The following RBFOX1 variants were observed in gnomAD, a reference collection of about 807,000 sequenced individuals.
RBFOX1 encodes the protein RNA binding fox-1 homolog 1.
Under a neutral mutation model 57.7 loss-of-function variants are expected in RBFOX1, and 8 were observed. The observed-to-expected ratio is 0.14, with a 90% CI of 0.08 to 0.25. RBFOX1 has a LOEUF of 0.25. Among genes scored for constraint, RBFOX1 ranks in the 10% least tolerant of loss-of-function variants. The probability of loss-of-function intolerance (pLI) is 1.00; values close to 1 mark genes in which losing one functional copy is unlikely to be tolerated. For missense variants in RBFOX1, 611 were observed against 548.5 expected, an observed-to-expected ratio of 1.11 and a Z score of -1.14; for synonymous variants, 326 against 222.4, an observed-to-expected ratio of 1.47 and a Z score of -4.15.
At chr16:7,558,399 CAT>C (rs1411927348) in intron 5 of RBFOX1, among the ~76,000 whole-genome samples, 1 of 151,820 alleles carries the variant, frequency 6.6e-6, no homozygotes, top group South Asian at 2.1e-4. Context: ...CACTCACACA[CAT>C]ATATATTTAT....
At chr16:6,750,442 C>T (rs927783642) in intron 3 of RBFOX1, among the ~76,000 whole-genome samples, 1 of 152,150 alleles carries the variant, frequency 6.6e-6, no homozygotes, top group Non-Finnish European at 1.5e-5. Context: ...ATTATGTTTT[C>T]AGTCTACCAA....
intron 1 of RBFOX1, among the ~76,000 whole-genome samples, chr16:6,047,559 C>T (rs1385846265): frequency 6.6e-6 from 1 of 152,108 alleles, no homozygotes; most frequent in Non-Finnish European, 1.5e-5. Flanking sequence ...GCAGAGCCAG[C>T]AGGGAATGGA....
intron 4 of RBFOX1, among the ~76,000 whole-genome samples, chr16:7,172,786 T>C (rs1346289694): frequency 6.6e-6 from 1 of 152,086 alleles, no homozygotes; most frequent in East Asian, 1.9e-4. Context: ...AAAGTAAAAG[T>C]TGGCTTCCCA....
chr16:7,058,842 A>T (rs979543310), intron 4 of RBFOX1, among the ~76,000 whole-genome samples: 5 of 152,212 alleles, frequency 3.3e-5, no homozygotes, highest in African/African-American at 1.2e-4. Context: ...ATTTAAGTTA[A>T]AAATGGGTTG....
intron 3 of RBFOX1, among the ~76,000 whole-genome samples, chr16:5,737,834 CT>C (rs2052633785): frequency 6.6e-6 from 1 of 151,990 alleles, no homozygotes; most frequent in South Asian, 2.1e-4. Flanking sequence ...AAATTTGTTT[CT>C]TTTTTTATTC....
chr16:5,844,820 GGTTTC>G (rs1567616180), intron 3 of RBFOX1, among the ~76,000 whole-genome samples: 4 of 152,102 alleles, frequency 2.6e-5, no homozygotes, highest in Non-Finnish European at 4.4e-5. Context: ...ACACAAAGGC[GGTTTC>G]CCTTACACGT....
chr16:5,486,171 G>C (rs772116679), intron 2 of RBFOX1, among the ~76,000 whole-genome samples: 5 of 152,150 alleles, frequency 3.3e-5, no homozygotes, highest in African/African-American at 7.2e-5. Context: ...AATTCAGGTT[G>C]CCTCCCCTAG....
chr16:7,703,640 G>C (rs900631674), intron 14 of RBFOX1, among the ~76,000 whole-genome samples: 1 of 152,172 alleles, frequency 6.6e-6, no homozygotes, highest in African/African-American at 2.4e-5. Flanking sequence ...TATCTCATTA[G>C]CATCCAGCTT....
chr16:6,479,303 G>A (rs2095332736), intron 2 of RBFOX1, among the ~76,000 whole-genome samples: 1 of 152,204 alleles, frequency 6.6e-6, no homozygotes, highest in East Asian at 1.9e-4. Context: ...GTGAGAGAGA[G>A]CCAGAAAGAT....
chr16:6,289,134 T>A (rs1299630689), intron 1 of RBFOX1, among the ~76,000 whole-genome samples: 1 of 152,178 alleles, frequency 6.6e-6, no homozygotes, highest in Non-Finnish European at 1.5e-5. Flanking sequence ...TTTACTTATC[T>A]GTTTAGTGAT....
At chr16:6,505,326 G>A (rs1265294188) in intron 2 of RBFOX1, among the ~76,000 whole-genome samples, 1 of 152,062 alleles carries the variant, frequency 6.6e-6, no homozygotes, top group Non-Finnish European at 1.5e-5. Context: ...ATTGAGCTTT[G>A]TTTATATAAG....
At chr16:6,748,260 T>G (rs948427035) in intron 3 of RBFOX1, among the ~76,000 whole-genome samples, 8 of 152,196 alleles carry the variant, frequency 5.3e-5, no homozygotes, top group African/African-American at 1.9e-4. Flanking sequence ...AGCCTTCTTT[T>G]CTCTTTCTCT....
In RBFOX1 at chr16:6,840,390, C is replaced by T. The variant is rs543148275; in HGVS notation, c.-16+185740C>T. On this transcript the variant is annotated intron_variant, in intron 3 of 15. Coordinates refer to ENST00000550418, the MANE Select transcript of RBFOX1 (RefSeq NM_018723.4). Reference sequence around the variant, plus strand: ...TTCAGGATTCCTGCGTTGGTTCCTCCATTCCTTCATTAAATGTTGAGTATG... The same window carrying T: ...TTCAGGATTCCTGCGTTGGTTCCTCTATTCCTTCATTAAATGTTGAGTATG... 3.3e-5 allele frequency among the ~76,000 whole-genome samples: 5 copies of T among 152,274 alleles called. No individual in the cohort carries two copies. The South Asian group carries it at 1.0e-3, about 32-fold the overall frequency.
intron 3 of RBFOX1, among the ~76,000 whole-genome samples, chr16:5,785,912 C>A (rs1382899275): frequency 6.6e-6 from 1 of 152,116 alleles, no homozygotes; most frequent in African/African-American, 2.4e-5. Context: ...GCTGACATCA[C>A]CTTGCTTGTG....
At position 5,301,186 on chromosome 16, in the gene RBFOX1, A is replaced by G. The variant is rs556477823; in HGVS notation, c.219+61081A>G. Among the ~76,000 whole-genome samples the G allele has an allele frequency of 1.1e-4, 16 of 152,068 alleles. 1 individual carries two copies. In the South Asian group the frequency reaches 3.1e-3, roughly 30 times the overall value. ...CTTGTTTGTTCTTTCTTGCTCTCCT[A>G]TTTGCTTGTTCTAATGGAAGCCAGC... On this transcript the variant is annotated intron_variant, in intron 1 of 2. Transcript: ENST00000585867.
intron 4 of RBFOX1, chr16:7,332,748 G>A (rs762151237): frequency 7.0e-5 from 95 of 1,363,092 alleles, no homozygotes; most frequent in Middle Eastern, 2.8e-4. Context: ...TCCCAAAATA[G>A]CACCTTCCAT....
At position 6,830,018 on chromosome 16, in the gene RBFOX1, G is replaced by T. The variant is rs555825851; in HGVS notation, c.-16+175368G>T. The stretch of plus-strand genomic sequence containing the variant: ...TGCCACCTCCGCCTTCTGGGTTCAA[G>T]TGATTCTCATGCCTCAGCCTCCCAA... On this transcript the variant is annotated intron_variant, in intron 3 of 15. Coordinates refer to ENST00000550418, the MANE Select transcript of RBFOX1 (RefSeq NM_018723.4). Among the ~76,000 whole-genome samples, 15 of 152,258 alleles carry T rather than the reference G, an allele frequency of 9.9e-5. 1 individual carries two copies. In the South Asian group the frequency reaches 3.1e-3, roughly 32 times the overall value.
intron 4 of RBFOX1, among the ~76,000 whole-genome samples, chr16:7,378,112 G>A (rs1223980744): frequency 6.6e-6 from 1 of 152,212 alleles, no homozygotes; most frequent in African/African-American, 2.4e-5. Flanking sequence ...TAATTGAGAA[G>A]TAGATCAGTC....
intron 2 of RBFOX1, among the ~76,000 whole-genome samples, chr16:5,475,165 A>C (rs1053441416): frequency 6.6e-6 from 1 of 152,242 alleles, no homozygotes; most frequent in Non-Finnish European, 1.5e-5. Flanking sequence ...TATTTGCCGT[A>C]ATAGATATGT....
Sources: allele counts gnomAD v4.1 joint callset (sites outside exome capture counted in the v4.1 genomes callset), GRCh38; gene constraint gnomAD v4.1.1; transcripts MANE v1.5; gene names NCBI Gene and HGNC (gene_info 2026-07-23, HGNC 2026-07-21).